The following FOXP1 variants were observed in gnomAD, a reference collection of about 807,000 sequenced individuals.
FOXP1 encodes forkhead box P1, also known as forkhead box protein P1.
Under a neutral mutation model 98.2 loss-of-function variants are expected in FOXP1, and 15 were observed. That is an observed-to-expected ratio of 0.15 (90% CI 0.10 to 0.24). The LOEUF is 0.24. Ranked by LOEUF, FOXP1 falls within the 10% of genes least tolerant of loss-of-function variation. The pLI, the probability that FOXP1 is intolerant of heterozygous loss-of-function variation, is 1.00. For synonymous variants in FOXP1, 371 were observed against 314.5 expected (o/e 1.18, Z -1.90); for missense variants, 633 against 848.5 (o/e 0.75, Z 3.15).
intron 3 of FOXP1, among the ~76,000 whole-genome samples, chr3:71,462,200 T>C (rs1017165831): frequency 6.6e-6 from 1 of 152,166 alleles, no homozygotes; most frequent in Non-Finnish European, 1.5e-5. Context: ...CTCATTAAAA[T>C]GAGACTCATC....
At chr3:71,190,471 CAACA>C (rs1474447267) in intron 6 of FOXP1, among the ~76,000 whole-genome samples, 1 of 123,522 alleles carries the variant, frequency 8.1e-6, no homozygotes, top group East Asian at 2.3e-4. Context: ...AGAAAAACAA[CAACA>C]AAAAAAAAAC....
intron 3 of FOXP1, among the ~76,000 whole-genome samples, chr3:71,388,570 T>C (rs1560411992): frequency 6.6e-6 from 1 of 152,188 alleles, no homozygotes; most frequent in Non-Finnish European, 1.5e-5. Flanking sequence ...TTTTAACCTG[T>C]TGACTATTAG....
chr3:70,985,377 G>C (rs1483993825), intron 14 of FOXP1, among the ~76,000 whole-genome samples: 2 of 151,748 alleles, frequency 1.3e-5, no homozygotes, highest in Admixed American at 6.5e-5. Context: ...CTGTATGTGT[G>C]TGCCCTTTTT....
Position 71,088,397 on chromosome 3 carries a change from T to TG in FOXP1, c.282+24138_282+24139insC, listed in dbSNP as rs57329375. Among the ~76,000 whole-genome samples the TG allele has an allele frequency of 1.1e-3, 107 of 99,958 alleles. 5 individuals are homozygous for TG. The East Asian group carries it at 0.013, about 12-fold the overall frequency. 65.6% of individuals were successfully genotyped at this position (99,958 alleles called of 152,430 possible). Reference sequence around the variant, plus strand: ...CATGTGGTGATACATTGTTTTGTTTTTTGTTTTTTTTTTTTTGGCTTACCA... The same window carrying TG: ...CATGTGGTGATACATTGTTTTGTTTTGTTGTTTTTTTTTTTTTGGCTTACCA... On this transcript the variant is annotated intron_variant, in intron 7 of 20. Transcript: ENST00000649528.
chr3:71,433,236 G>A (rs927204441), intron 3 of FOXP1, among the ~76,000 whole-genome samples: 13 of 152,164 alleles, frequency 8.5e-5, no homozygotes, highest in African/African-American at 3.1e-4. Flanking sequence ...CAAGGACCCT[G>A]AAGAAAACAC....
In FOXP1 at chr3:70,957,451, A is replaced by C. The variant is rs1471095384; in HGVS notation, c.*1796T>G. 1.7e-5 allele frequency: 4 copies of C among 230,482 alleles called. No homozygotes were observed. The highest frequency in any genetic ancestry group is 3.4e-5 in the Non-Finnish European group (4 of 116,208). The allele number at this position is 230,482 out of a possible 1,614,324, so 14.3% of individuals were successfully genotyped here. ...GCCTCCTTTGATCAACAATAAGAGG[A>C]TATTTGGCTTCATCAGATAAAGCAT... On this transcript the variant is annotated 3_prime_UTR_variant, in exon 21 of 21. Transcript: ENST00000649528.
At chr3:71,443,056 T>G (rs562292804) in intron 3 of FOXP1, among the ~76,000 whole-genome samples, 7 of 152,160 alleles carry the variant, frequency 4.6e-5, no homozygotes, top group Admixed American at 1.3e-4. Flanking sequence ...CACACCTGGC[T>G]AATTTTTTTG....
chr3:71,509,887 G>A (rs2042077741), intron 2 of FOXP1, among the ~76,000 whole-genome samples: 1 of 151,976 alleles, frequency 6.6e-6, no homozygotes, highest in Non-Finnish European at 1.5e-5. Flanking sequence ...TCTCTAAAAA[G>A]AAGGAATCAG....
At chr3:71,034,856 C>T (rs577986247) in intron 11 of FOXP1, among the ~76,000 whole-genome samples, 6 of 152,244 alleles carry the variant, frequency 3.9e-5, no homozygotes, top group African/African-American at 1.2e-4. Context: ...TGTTGGCTCA[C>T]GTAAGAATGG....
At chr3:71,251,287 C>A (rs1333097283) in intron 5 of FOXP1, among the ~76,000 whole-genome samples, 3 of 152,186 alleles carry the variant, frequency 2.0e-5, no homozygotes, top group African/African-American at 7.2e-5. Context: ...CATTTGGAAA[C>A]GAGAGTAACA....
intron 12 of FOXP1, among the ~76,000 whole-genome samples, chr3:71,006,234 T>TA (rs1471297817): frequency 6.6e-6 from 1 of 152,062 alleles, no homozygotes; most frequent in Admixed American, 6.6e-5. Flanking sequence ...AAATGACAAC[T>TA]AACTTAATCT....
intron 7 of FOXP1, among the ~76,000 whole-genome samples, chr3:71,059,349 C>T (rs1425478630): frequency 6.6e-6 from 1 of 152,132 alleles, no homozygotes; most frequent in Non-Finnish European, 1.5e-5. Context: ...TATTTGTTTA[C>T]AGCAGAGGTA....
At chr3:71,207,632 C>T (rs78113962) in intron 5 of FOXP1, among the ~76,000 whole-genome samples, 2,420 of 152,264 alleles carry the variant, frequency 0.016, 71 homozygotes, top group African/African-American at 0.056. Context: ...AGCCTCCACC[C>T]TCACCCTGGT....
intron 6 of FOXP1, among the ~76,000 whole-genome samples, chr3:71,126,261 G>T (rs1239421061): frequency 2.0e-5 from 3 of 151,678 alleles, no homozygotes; most frequent in Non-Finnish European, 4.4e-5. Flanking sequence ...AAGGCGGGCG[G>T]ATCACCAGGT....
At chr3:71,026,068 C>T (rs899931006) in intron 11 of FOXP1, among the ~76,000 whole-genome samples, 2 of 152,178 alleles carry the variant, frequency 1.3e-5, no homozygotes, top group African/African-American at 4.8e-5. Context: ...TGAAAACATA[C>T]CAACTCATAA....
rs568879708 is a variant in FOXP1 at position 71,000,127 on chromosome 3, G to A, written c.1062+845C>T. 2.0e-5 allele frequency among the ~76,000 whole-genome samples: 3 copies of A among 151,786 alleles called. No individual in the cohort carries two copies. In the East Asian group the frequency reaches 5.8e-4, roughly 29 times the overall value. On this transcript the variant is annotated intron_variant, in intron 13 of 20. Transcript: ENST00000649528. ...ATTTTCTATTAATTATACCAAGAAT[G>A]GAATTATTGTTAAAATATGGTAGTT...
chr3:71,298,290 C>T (rs990941564), intron 5 of FOXP1, among the ~76,000 whole-genome samples: 19 of 152,130 alleles, frequency 1.2e-4, no homozygotes, highest in Non-Finnish European at 2.1e-4. Flanking sequence ...CATGGTGAAA[C>T]CCCGCCTCTC....
chr3:71,291,938 C>T (rs906677485), intron 5 of FOXP1, among the ~76,000 whole-genome samples: 7 of 151,932 alleles, frequency 4.6e-5, no homozygotes, highest in Admixed American at 1.3e-4. Context: ...ATCTCTTGAC[C>T]TCGTGATCTG....
chr3:71,134,976 C>T (rs974072202), intron 6 of FOXP1, among the ~76,000 whole-genome samples: 8 of 152,042 alleles, frequency 5.3e-5, no homozygotes, highest in Non-Finnish European at 8.8e-5. Flanking sequence ...TTATAATCCC[C>T]GGCCAGGCAC....
Sources: gnomAD v4.1 joint callset for allele counts (sites outside exome capture counted in the v4.1 genomes callset) on GRCh38, gnomAD v4.1.1 for gene constraint, MANE v1.5 for transcripts, NCBI Gene and HGNC (gene_info 2026-07-23, HGNC 2026-07-21) for gene names.